Variants in APBB2 observed in about 807,000 individuals in gnomAD.
The protein encoded by APBB2 is Fe65-like 1.
A neutral mutation model predicts 82.5 loss-of-function variants in APBB2; 38 were observed. The ratio of observed to expected loss-of-function variants is 0.46; its 90% confidence interval spans 0.36 to 0.60. The LOEUF is 0.60. Ranked by LOEUF, APBB2 falls within the 20% of genes least tolerant of loss-of-function variation. The probability of loss-of-function intolerance (pLI) is 0.00; values close to 1 mark genes in which losing one functional copy is unlikely to be tolerated. For synonymous variants in APBB2, 341 were observed against 368.2 expected (o/e 0.93, Z 0.85); for missense variants, 772 against 972.3 (o/e 0.79, Z 2.74).
rs112098380 is a variant in APBB2 at position 40,828,878 on chromosome 4, CCCCTGT to C, written c.1644+1579_1644+1584del. Among the ~76,000 whole-genome samples, 213 of 152,312 alleles carry C rather than the reference CCCCTGT, an allele frequency of 1.4e-3. 3 individuals are homozygous for C. The East Asian group carries it at 0.02, about 14-fold the overall frequency. ...TTCTGAGGCTGGGGACAGCTCCCTG[CCCCTGT>C]CCCTCCCTCAGGCACCATGGCTTGG... On this transcript the variant is annotated intron_variant, in intron 13 of 17. Transcript: ENST00000508593.
intron 6 of APBB2, among the ~76,000 whole-genome samples, chr4:40,984,745 A>T (rs1040094480): frequency 2.0e-5 from 3 of 152,062 alleles, no homozygotes; most frequent in Admixed American, 6.6e-5. Context: ...TTATTTATTT[A>T]TTTTTTGGTA....
At chr4:41,016,231 T>C (rs1413736410) in intron 5 of APBB2, among the ~76,000 whole-genome samples, 2 of 152,236 alleles carry the variant, frequency 1.3e-5, no homozygotes, top group East Asian at 1.9e-4. Flanking sequence ...TATTATACAT[T>C]CTAGCAATGT....
chr4:40,900,454 GT>G lies in APBB2; in HGVS notation c.1255-7044del, dbSNP rs71648936. Among the ~76,000 whole-genome samples, 153 of 132,704 alleles carry G rather than the reference GT, an allele frequency of 1.2e-3. 1 individual carries two copies. Among genetic ancestry groups the G allele is most frequent in the East Asian group, 9.6e-3 (44 of 4,568 alleles). The allele number at this position is 132,704 out of a possible 152,430, so 87.1% of individuals were successfully genotyped here. A position where few individuals can be genotyped will look rare whatever the true frequency, so the allele number is the denominator to read the frequency against. ...ATGGGTTGGGAGCTCACGGAAGGAG[GT>G]TTTTTTTTTTTTTTTTTTAAGATGG... On this transcript the variant is annotated intron_variant, in intron 10 of 17. Transcript: ENST00000508593.
At chr4:40,965,525 T>C (rs1460417016) in intron 6 of APBB2, among the ~76,000 whole-genome samples, 1 of 152,172 alleles carries the variant, frequency 6.6e-6, no homozygotes, top group Non-Finnish European at 1.5e-5. Context: ...GTGCTGTCAG[T>C]ATAAAACGCA....
At chr4:41,054,213 A>C (rs1251920327) in intron 4 of APBB2, among the ~76,000 whole-genome samples, 1 of 152,214 alleles carries the variant, frequency 6.6e-6, no homozygotes, top group African/African-American at 2.4e-5. Flanking sequence ...AGAATGGGAA[A>C]GCAAGGGAGG....
intron 1 of APBB2, among the ~76,000 whole-genome samples, chr4:41,164,858 G>T (rs1766085760): frequency 6.6e-6 from 1 of 152,124 alleles, no homozygotes; most frequent in African/African-American, 2.4e-5. Context: ...TTTAAACATG[G>T]CTGTTTTTTA....
At chr4:41,160,721 A>G (rs184385449) in intron 1 of APBB2, among the ~76,000 whole-genome samples, 80 of 152,298 alleles carry the variant, frequency 5.3e-4, no homozygotes, top group African/African-American at 1.8e-3. Context: ...TTCTAGCTCA[A>G]AGAGAGGGAG....
At chr4:41,167,794 ACT>A (rs1170037366) in intron 1 of APBB2, among the ~76,000 whole-genome samples, 1 of 152,078 alleles carries the variant, frequency 6.6e-6, no homozygotes, top group East Asian at 1.9e-4. Context: ...ACTGAGGAAA[ACT>A]CTTTCCCTAG....
intron 11 of APBB2, among the ~76,000 whole-genome samples, chr4:40,891,247 A>G (rs1771937482): frequency 6.6e-6 from 1 of 152,196 alleles, no homozygotes; most frequent in African/African-American, 2.4e-5. Flanking sequence ...ACTATCTTTC[A>G]GAGTCTTACA....
intron 6 of APBB2, among the ~76,000 whole-genome samples, chr4:40,968,582 C>T (rs997912186): frequency 6.6e-6 from 1 of 152,142 alleles, no homozygotes; most frequent in African/African-American, 2.4e-5. Flanking sequence ...CCTCTCTTTG[C>T]CATCTCATTT....
At chr4:40,830,391 C>G (rs940196866) in intron 13 of APBB2, 72 bp downstream of exon 13, 6 of 1,050,828 alleles carry the variant, frequency 5.7e-6, no homozygotes, top group Admixed American at 3.5e-5. Flanking sequence ...CCCACTCCCC[C>G]GCCCTTCCAC....
intron 10 of APBB2, among the ~76,000 whole-genome samples, chr4:40,912,291 C>T (rs1377881783): frequency 6.6e-6 from 1 of 152,134 alleles, no homozygotes; most frequent in Non-Finnish European, 1.5e-5. Context: ...ACAAAGACAG[C>T]TCAATGGCTG....
At chr4:40,828,311 T>C (rs550521233) in intron 13 of APBB2, among the ~76,000 whole-genome samples, 98 of 152,190 alleles carry the variant, frequency 6.4e-4, no homozygotes, top group Non-Finnish European at 9.8e-4. Flanking sequence ...CATACAGTGC[T>C]GTGGGTTTAG....
chr4:40,917,418 TC>T (rs1435004652), intron 10 of APBB2, among the ~76,000 whole-genome samples: 1 of 152,070 alleles, frequency 6.6e-6, no homozygotes, highest in African/African-American at 2.4e-5. Context: ...TCCACAGTAC[TC>T]ATCCCACCAC....
At chr4:41,213,969 C>T (rs898883403) in intron 1 of APBB2, among the ~76,000 whole-genome samples, 1 of 152,250 alleles carries the variant, frequency 6.6e-6, no homozygotes, top group Non-Finnish European at 1.5e-5. Context: ...GTGCGCTCTT[C>T]CCGCAGGCGC....
intron 1 of APBB2, among the ~76,000 whole-genome samples, chr4:41,182,078 T>C (rs1771563840): frequency 6.6e-6 from 1 of 152,204 alleles, no homozygotes; most frequent in Admixed American, 6.5e-5. Flanking sequence ...CTAACTTCCC[T>C]TCTAAGAAGG....
chr4:40,868,796 T>C (rs1183079740), intron 12 of APBB2, among the ~76,000 whole-genome samples: 2 of 152,218 alleles, frequency 1.3e-5, no homozygotes, highest in East Asian at 3.8e-4. Context: ...AAATTGGTCC[T>C]TTTAACCACC....
chr4:40,856,890 G>C, intron 12 of APBB2: 1 of 945,854 alleles, frequency 1.1e-6, no homozygotes, highest in Non-Finnish European at 1.3e-6. Context: ...ACTCGGGGAA[G>C]GGAGGGCGCA....
At chr4:40,819,988 T>A (rs986296937) in intron 17 of APBB2, among the ~76,000 whole-genome samples, 14 of 152,192 alleles carry the variant, frequency 9.2e-5, no homozygotes, top group African/African-American at 3.1e-4. Flanking sequence ...AAAGTGAAGA[T>A]CCTCATACTT....
Sources: allele counts gnomAD v4.1 joint callset (sites outside exome capture counted in the v4.1 genomes callset), GRCh38; gene constraint gnomAD v4.1.1; transcripts MANE v1.5; gene names NCBI Gene and HGNC (gene_info 2026-07-23, HGNC 2026-07-21).